The following COL4A6 variants were observed in gnomAD, a reference collection of about 807,000 sequenced individuals.
COL4A6 encodes the protein collagen alpha-6(IV) chain.
In COL4A6, 59 loss-of-function variants were observed where a neutral mutation model predicts 126.7. The observed-to-expected ratio is 0.47, with a 90% CI of 0.38 to 0.58. The LOEUF (loss-of-function observed/expected upper bound fraction) is 0.58. Among genes scored for constraint, COL4A6 ranks in the 20% least tolerant of loss-of-function variants. COL4A6 has a pLI of 0.00. For synonymous variants in COL4A6, 547 were observed against 496.6 expected, an observed-to-expected ratio of 1.10 and a Z score of -1.35; for missense variants, 1,285 against 1,337.3, an observed-to-expected ratio of 0.96 and a Z score of 0.61.
At chrX:108,366,456 A>G (rs1284102497) in intron 2 of COL4A6, among the ~76,000 whole-genome samples, 1 of 112,144 alleles carries the variant, frequency 8.9e-6, no homozygotes, top group Non-Finnish European at 1.9e-5. Flanking sequence ...CTTTAACTGC[A>G]GCTCATTATC....
upstream of COL4A6, chrX:108,438,440 G>A (rs1005149334): frequency 8.0e-6 from 8 of 1,004,070 alleles, no homozygotes; most frequent in Non-Finnish European, 1.0e-5. Context: ...TGCAGCAGGA[G>A]AGGAAAGAAT....
rs924350612 is a variant in COL4A6 at position 108,165,480 on chromosome X, G to A, written c.3698C>T (p.Pro1233Leu). The A allele has an allele frequency of 1.7e-6, 2 of 1,160,107 alleles. No homozygotes were observed. Among genetic ancestry groups the A allele is most frequent in the South Asian group, 2.0e-5 (1 of 50,326 alleles). Residue 1233 changes from proline (P) to leucine (L), a missense_variant, in exon 38 of 45, where the codon CCA becomes CTA. Coordinates refer to ENST00000334504, the MANE Select transcript of COL4A6 (RefSeq NM_033641.4). ...GAGACCAGCAGGGCCCTGGAGACCT[G>A]GGAAACCTGTAAAGAATAAATAAAA... ...LRGQKGDRGF[P>L]GLQGPAGLPG... is the part of the protein sequence containing the mutation.
intron 44 of COL4A6, among the ~76,000 whole-genome samples, chrX:108,158,086 G>A (rs1354648506): frequency 1.8e-5 from 2 of 112,710 alleles, no homozygotes; most frequent in African/African-American, 6.4e-5. Context: ...GACAACCGAA[G>A]CATCAAAATT....
rs147095611 is a variant in COL4A6, at chrX:108,207,171, G to A, written c.547-591C>T. Among the ~76,000 whole-genome samples, 3 of 111,574 alleles carry A rather than the reference G, an allele frequency of 2.7e-5. No homozygotes were observed. In the Admixed American group the frequency reaches 2.9e-4, roughly 11 times the overall value. On this transcript the variant is annotated intron_variant, in intron 8 of 44. Transcript: ENST00000334504. ...TCTAATTAAAGATAGGCATGCTATA[G>A]GATTTAGGAGTAACTGAACTCTTGT... is the stretch of plus-strand genomic sequence containing the variant.
Position 108,187,829 on chromosome X carries a change from C to G in COL4A6, c.1767+19G>C. 1 of 1,196,421 alleles carries G rather than the reference C, an allele frequency of 8.4e-7. No homozygotes were observed. Among genetic ancestry groups the G allele is most frequent in the South Asian group, 1.8e-5 (1 of 54,477 alleles). On this transcript the variant is annotated intron_variant, in intron 22 of 44. Coordinates refer to ENST00000334504, the MANE Select transcript of COL4A6 (RefSeq NM_033641.4). ...TGTGAAGATCTGTAGAGCTAATCAC[C>G]TAGGAACGATCAACTTACCGGAAGG... is the stretch of plus-strand genomic sequence containing the variant.
chrX:108,188,483 T>C (rs773647323), intron 21 of COL4A6, 34 bp downstream of exon 21: 4 of 1,077,019 alleles, frequency 3.7e-6, no homozygotes, highest in Non-Finnish European at 4.8e-6. Context: ...AAGATTCCAT[T>C]GCTTCCTCAG....
Position 108,280,652 on chromosome X carries a change from G to A in COL4A6, c.144+30096C>T, listed in dbSNP as rs138706455. 2.3e-4 allele frequency among the ~76,000 whole-genome samples: 26 copies of A among 111,867 alleles called. No homozygotes were observed. In the East Asian group the frequency reaches 7.0e-3, roughly 30 times the overall value. ...CTCCCTAACTCATTTTATGAGGCTA[G>A]CATCATCCTGATACCAAAGCCGGGC... is the stretch of plus-strand genomic sequence containing the variant. On this transcript the variant is annotated intron_variant, in intron 3 of 44. Coordinates refer to ENST00000334504, the MANE Select transcript of COL4A6 (RefSeq NM_033641.4).
At chrX:108,425,231 G>A (rs2064055104) in intron 2 of COL4A6, among the ~76,000 whole-genome samples, 1 of 107,766 alleles carries the variant, frequency 9.3e-6, no homozygotes, top group Non-Finnish European at 1.9e-5. Flanking sequence ...GAGACAGAGA[G>A]ACAGAGAGGA....
intron 3 of COL4A6, chrX:108,267,963 T>G (rs1226112083): frequency 3.6e-5 from 4 of 112,616 alleles, no homozygotes; most frequent in Non-Finnish European, 1.9e-5. Flanking sequence ...TACATTAAAT[T>G]ACCTACTTGT....
intron 2 of COL4A6, among the ~76,000 whole-genome samples, chrX:108,328,655 T>C (rs1208385922): frequency 8.9e-6 from 1 of 112,097 alleles, no homozygotes; most frequent in Non-Finnish European, 1.9e-5. Flanking sequence ...AACAACAGTA[T>C]GGAGATGCCT....
chrX:108,399,431 T>TTA (rs1424364987), intron 2 of COL4A6, among the ~76,000 whole-genome samples: 2 of 111,265 alleles, frequency 1.8e-5, no homozygotes, highest in African/African-American at 6.5e-5. Flanking sequence ...TTGGTATAAA[T>TTA]TATACTGTAA....
At chrX:108,407,810 G>A (rs1298931676) in intron 2 of COL4A6, among the ~76,000 whole-genome samples, 1 of 112,401 alleles carries the variant, frequency 8.9e-6, no homozygotes, top group East Asian at 2.8e-4. Flanking sequence ...TATGATTTAC[G>A]GAATTCAAAT....
In COL4A6 at chrX:108,393,994, T is replaced by C. The variant is rs753614507; in HGVS notation, c.63+43948A>G. Among the ~76,000 whole-genome samples the C allele has an allele frequency of 7.3e-4, 82 of 112,091 alleles. 1 individual carries two copies. Among genetic ancestry groups the C allele is most frequent in the Middle Eastern group, 4.6e-3 (1 of 218 alleles). On this transcript the variant is annotated intron_variant, in intron 2 of 44. Transcript: ENST00000334504. ...TGCACACGTATGTTTATGGCGGCAC[T>C]GTTCACAATAGCAAAGACTTAGAAC...
At chrX:108,283,219 G>A (rs1348013909) in intron 3 of COL4A6, among the ~76,000 whole-genome samples, 1 of 111,881 alleles carries the variant, frequency 8.9e-6, no homozygotes, top group Non-Finnish European at 1.9e-5. Context: ...GTCAGCCTTT[G>A]AGGCACTCTG....
intron 2 of COL4A6, among the ~76,000 whole-genome samples, chrX:108,389,048 G>A (rs1366522183): frequency 8.9e-6 from 1 of 111,886 alleles, no homozygotes; most frequent in Non-Finnish European, 1.9e-5. Context: ...TTAATCCTGA[G>A]TTCTAATTTG....
At chrX:108,195,274 A>C in intron 14 of COL4A6, 148 bp from the exon 15 acceptor site, 1 of 305,106 alleles carries the variant, frequency 3.3e-6, no homozygotes, top group Non-Finnish European at 5.8e-6. Flanking sequence ...TAGCTTAACG[A>C]CTTTTTTTTT....
chrX:108,184,634 C>T (rs2148134049), intron 23 of COL4A6, among the ~76,000 whole-genome samples: 1 of 112,370 alleles, frequency 8.9e-6, no homozygotes, highest in East Asian at 2.8e-4. Context: ...ACTTCCTAGC[C>T]TTCAGAATCA....
chrX:108,331,571 T>C (rs1348338371), intron 2 of COL4A6, among the ~76,000 whole-genome samples: 8 of 111,960 alleles, frequency 7.1e-5, no homozygotes, highest in Non-Finnish European at 1.5e-4. Context: ...ATGCCATCCG[T>C]CCTTGACCAA....
chrX:108,177,731 T>C (rs2034545033), intron 27 of COL4A6, among the ~76,000 whole-genome samples: 1 of 111,877 alleles, frequency 8.9e-6, no homozygotes, highest in Admixed American at 9.5e-5. Flanking sequence ...ACGACAGAGG[T>C]ATTTGGGTCC....
Sources: gnomAD v4.1 joint callset for allele counts (sites outside exome capture counted in the v4.1 genomes callset) on GRCh38, gnomAD v4.1.1 for gene constraint, MANE v1.5 for transcripts, NCBI Gene and HGNC (gene_info 2026-07-23, HGNC 2026-07-21) for gene names.